VGLL4: variants seen among roughly 807,000 people sequenced by gnomAD.
The protein encoded by VGLL4 is vestigial like family member 4.
A neutral mutation model predicts 21.0 loss-of-function variants in VGLL4; 7 were observed. The ratio of observed to expected loss-of-function variants is 0.33; its 90% CI spans 0.19 to 0.63. VGLL4 has a LOEUF of 0.63. Among genes scored for constraint, VGLL4 ranks in the 20% least tolerant of loss-of-function variants. The probability of loss-of-function intolerance (pLI) is 0.78; values close to 1 mark genes in which losing one functional copy is unlikely to be tolerated. For missense variants in VGLL4, 394 were observed against 425.7 expected (o/e 0.93, Z 0.66); for synonymous variants, 222 against 173.2 (o/e 1.28, Z -2.21).
intron 2 of VGLL4, among the ~76,000 whole-genome samples, chr3:11,664,094 C>T (rs1057025313): frequency 6.6e-6 from 1 of 152,032 alleles, no homozygotes; most frequent in Non-Finnish European, 1.5e-5. Context: ...AAAAATTAGC[C>T]GGGCATGCTG....
chr3:11,599,143 A>C (rs1333059461), intron 2 of VGLL4, among the ~76,000 whole-genome samples: 2 of 152,212 alleles, frequency 1.3e-5, no homozygotes, highest in African/African-American at 2.4e-5. Flanking sequence ...AGGCTCTTAG[A>C]AAACACAGTA....
upstream of VGLL4, chr3:11,721,075 C>T (rs1262436785): frequency 1.3e-5 from 2 of 152,222 alleles, no homozygotes; most frequent in African/African-American, 4.8e-5. Flanking sequence ...TGTTGCTTGC[C>T]TTCTGGCTGT....
At chr3:11,664,658 AGTGTGTAT>A (rs1309381549) in intron 2 of VGLL4, among the ~76,000 whole-genome samples, 2 of 152,190 alleles carry the variant, frequency 1.3e-5, no homozygotes, top group African/African-American at 2.4e-5. Flanking sequence ...TGAAACCTGG[AGTGTGTAT>A]CCATCTAATA....
chr3:11,662,667 A>G (rs2076054211), intron 2 of VGLL4, among the ~76,000 whole-genome samples: 1 of 152,242 alleles, frequency 6.6e-6, no homozygotes, highest in Non-Finnish European at 1.5e-5. Flanking sequence ...CTGGCCAATG[A>G]GACAGGAACA....
chr3:11,662,057 C>T (rs1575506531), intron 2 of VGLL4, among the ~76,000 whole-genome samples: 1 of 152,210 alleles, frequency 6.6e-6, no homozygotes, highest in East Asian at 1.9e-4. Flanking sequence ...ACATTAGCTG[C>T]AGACTTTCTG....
chr3:11,559,274 G>C (rs2072744344), intron 4 of VGLL4, 58 bp downstream of exon 4: 3 of 1,473,866 alleles, frequency 2.0e-6, no homozygotes, highest in African/African-American at 1.4e-5. Flanking sequence ...GCATGACAGA[G>C]AAGGGCTCTG....
intron 2 of VGLL4, among the ~76,000 whole-genome samples, chr3:11,597,654 GTTCCT>G (rs72424107): frequency 0.14 from 20,547 of 152,076 alleles, 1,787 homozygotes; most frequent in South Asian, 0.23. Context: ...CTCCTCCCAA[GTTCCT>G]ATTTGTTAAA....
chr3:11,707,734 C>G (rs1487620649), intron 1 of VGLL4, among the ~76,000 whole-genome samples: 1 of 151,952 alleles, frequency 6.6e-6, no homozygotes, highest in Non-Finnish European at 1.5e-5. Flanking sequence ...GGACGTATAC[C>G]TATAGTCCCA....
intron 1 of VGLL4, among the ~76,000 whole-genome samples, chr3:11,604,001 T>A (rs1327234111): frequency 6.6e-6 from 1 of 152,204 alleles, no homozygotes; most frequent in African/African-American, 2.4e-5. Flanking sequence ...ATCCAACGGA[T>A]GCAGTGCTTA....
In VGLL4 at chr3:11,713,106, T is replaced by C. The variant is rs532962590; in HGVS notation, c.-14+7288A>G. 1.5e-3 allele frequency among the ~76,000 whole-genome samples: 222 copies of C among 152,126 alleles called. 2 individuals are homozygous for C. The highest frequency in any genetic ancestry group is 5.1e-3 in the African/African-American group (213 of 41,494). On this transcript the variant is annotated intron_variant, in intron 1 of 5. Transcript: ENST00000273038. ...TGAGATCCACGAACAGGTACAGTAG[T>C]AGGAAGGATGGTGTCAACTTCACCA... is the stretch of plus-strand genomic sequence containing the variant.
chr3:11,563,429 G>A (rs753095179), intron 3 of VGLL4, among the ~76,000 whole-genome samples: 19 of 152,188 alleles, frequency 1.2e-4, no homozygotes, highest in Non-Finnish European at 1.6e-4. Flanking sequence ...GTCGCACTGC[G>A]CACACGCCTC....
intron 2 of VGLL4, among the ~76,000 whole-genome samples, chr3:11,650,190 C>T (rs1226185542): frequency 6.6e-6 from 1 of 152,174 alleles, no homozygotes; most frequent in Non-Finnish European, 1.5e-5. Context: ...CCGCCTCGGT[C>T]TCCCAAAGTG....
chr3:11,703,162 G>T, intron 1 of VGLL4: 1 of 873,986 alleles, frequency 1.1e-6, no homozygotes, highest in Non-Finnish European at 1.6e-6. Flanking sequence ...TTCTTCTAAG[G>T]ATGAAATTCT....
chr3:11,562,413 G>A (rs926178969), intron 3 of VGLL4, among the ~76,000 whole-genome samples: 2 of 152,082 alleles, frequency 1.3e-5, no homozygotes, highest in South Asian at 2.1e-4. Flanking sequence ...GGCTTCCACC[G>A]TGCCCACCCC....
intron 2 of VGLL4, among the ~76,000 whole-genome samples, chr3:11,673,036 C>A (rs2076239581): frequency 6.6e-6 from 1 of 152,182 alleles, no homozygotes; most frequent in South Asian, 2.1e-4. Context: ...GGGGGTTCCA[C>A]AAACAGTCAG....
chr3:11,684,282 T>C (rs1292895444), intron 2 of VGLL4, among the ~76,000 whole-genome samples: 1 of 152,164 alleles, frequency 6.6e-6, no homozygotes, highest in African/African-American at 2.4e-5. Flanking sequence ...CTTTTAAATA[T>C]ATGGTTAAGT....
At position 11,564,890 on chromosome 3, in the gene VGLL4, G is replaced by A; in HGVS notation, c.402C>T (p.Gly134=). Residue 134 remains glycine (G), a synonymous_variant, in exon 3 of 5, where the codon GGC becomes GGT. Transcript: ENST00000430365. ...TGGTCAGTGCGAGGGGCTGCTCCAG[G>A]CCAAGGCTGGGGAGGGAGGTGTACA... ...SHLYTSLPSL[G]LEQPLALTKN... 6.2e-7 allele frequency: 1 copy of A among 1,607,990 alleles called. No individual in the cohort carries two copies. The highest frequency in any genetic ancestry group is 8.5e-7 in the Non-Finnish European group (1 of 1,177,836).
chr3:11,624,212 C>T (rs964476231), intron 1 of VGLL4, among the ~76,000 whole-genome samples: 1 of 152,212 alleles, frequency 6.6e-6, no homozygotes, highest in Non-Finnish European at 1.5e-5. Flanking sequence ...GGGACCCCCA[C>T]GATATGTCAT....
Position 11,656,480 on chromosome 3 carries a change from G to A in VGLL4, c.64+46491C>T, listed in dbSNP as rs191734065. ...GAAGGCTAACAGGCTAGGAGCACCT[G>A]AGCTGGGGATCTTTGCAGAAGGGGC... On this transcript the variant is annotated intron_variant, in intron 2 of 5. Coordinates refer to the VGLL4 transcript ENST00000273038. Among the ~76,000 whole-genome samples the A allele has an allele frequency of 3.1e-4, 47 of 152,318 alleles. 1 individual carries two copies. Among genetic ancestry groups the A allele is most frequent in the African/African-American group, 1.1e-3 (44 of 41,570 alleles).
Sources: allele counts gnomAD v4.1 joint callset (sites outside exome capture counted in the v4.1 genomes callset), GRCh38; gene constraint gnomAD v4.1.1; transcripts MANE v1.5; gene names NCBI Gene and HGNC (gene_info 2026-07-23, HGNC 2026-07-21).